The following MMP16 variants were observed in gnomAD, a reference collection of about 807,000 sequenced individuals.
MMP16 encodes matrix metalloproteinase-16.
Under a neutral mutation model 67.8 loss-of-function variants are expected in MMP16, and 12 were observed. That is an observed-to-expected ratio of 0.18 (90% CI 0.11 to 0.29). MMP16 has a LOEUF of 0.29. Among genes scored for constraint, MMP16 ranks in the 10% least tolerant of loss-of-function variants. The pLI is 1.00. For missense variants in MMP16, 475 were observed against 765.7 expected (o/e 0.62, Z 4.48); for synonymous variants, 249 against 255.9 (o/e 0.97, Z 0.26).
Position 88,036,872 on chromosome 8 carries a change from A to T in MMP16, c.*4589T>A, listed in dbSNP as rs1461661349. 6.6e-6 allele frequency: 1 copy of T among 151,754 alleles called. No homozygotes were observed. The highest frequency in any genetic ancestry group is 2.4e-5 in the African/African-American group (1 of 41,402). The allele number at this position is 151,754 out of a possible 1,614,324, so 9.4% of individuals were successfully genotyped here. A position where few individuals can be genotyped will look rare whatever the true frequency, so the allele number is the denominator to read the frequency against. Reference sequence around the variant, plus strand: ...AAAAAAGACCTTACCACCATCCAGAAGATTGTTTCAGTATATACTACAATC... The same window carrying T: ...AAAAAAGACCTTACCACCATCCAGATGATTGTTTCAGTATATACTACAATC... On this transcript the variant is annotated 3_prime_UTR_variant, in exon 10 of 10. Coordinates refer to ENST00000286614, the MANE Select transcript of MMP16 (RefSeq NM_005941.5).
At chr8:88,159,731 T>C (rs201289919) in intron 4 of MMP16, among the ~76,000 whole-genome samples, 2 of 152,182 alleles carry the variant, frequency 1.3e-5, no homozygotes, top group South Asian at 2.1e-4. Context: ...GGAATTCTTC[T>C]AGTTTTTGCC....
Position 88,197,289 on chromosome 8 carries a change from G to A in MMP16, c.150C>T (p.Tyr50=), listed in dbSNP as rs755904551. Residue 50 remains tyrosine (Y), a synonymous_variant, in exon 2 of 10, where the codon TAC becomes TAT. Transcript: ENST00000286614. ...YFNVEVWLQK[Y]GYLPPTDPRM... is the part of the protein sequence containing the mutation. ...TGGGGTCAGTCGGTGGAAGGTAGCC[G>A]TACTTTTGTAACCAAACCTGCAATA... 1.9e-5 allele frequency: 29 copies of A among 1,564,408 alleles called. No individual in the cohort carries two copies. Among genetic ancestry groups the A allele is most frequent in the African/African-American group, 5.5e-5 (4 of 72,550 alleles).
chr8:88,167,879 A>C lies in MMP16; in HGVS notation c.499T>G (p.Phe167Val). Reference sequence around the variant, plus strand: ...AATTCACTGTAGGGAACTTCTTCAAATGTCAGAGGAGTTACATTCTGCCAC... The same window carrying C: ...AATTCACTGTAGGGAACTTCTTCAACTGTCAGAGGAGTTACATTCTGCCAC... ...DVWQNVTPLT[F>V]EEVPYSELEN... The change falls in exon 4 of 10, where the codon TTT becomes GTT. Residue 167 changes from phenylalanine to valine, a missense_variant. Physicochemically the swap from Phe to Val is conservative, Grantham distance 50 (BLOSUM62 -1). Around this residue, in one of 5 missense-constraint regions of MMP16, gnomAD observed 170 missense variants for 239.6 expected, o/e 0.71. Transcript: ENST00000286614. The C allele has an allele frequency of 6.2e-7, 1 of 1,614,018 alleles. No individual in the cohort carries two copies. Among genetic ancestry groups the C allele is most frequent in the Non-Finnish European group, 8.5e-7 (1 of 1,179,966 alleles).
At chr8:88,229,584 A>G (rs981065514) in intron 1 of MMP16, among the ~76,000 whole-genome samples, 2 of 152,090 alleles carry the variant, frequency 1.3e-5, no homozygotes, top group African/African-American at 4.8e-5. Context: ...AACAACAGGG[A>G]CAAAGCAATA....
chr8:88,123,311 A>T (rs1807871640), intron 4 of MMP16, among the ~76,000 whole-genome samples: 1 of 151,996 alleles, frequency 6.6e-6, no homozygotes, highest in African/African-American at 2.4e-5. Flanking sequence ...AACCCCCTCT[A>T]CAAAACCCAA....
At chr8:88,265,223 C>CTTTTTTTTCTTTTTTTTT (rs1810455856) in intron 1 of MMP16, among the ~76,000 whole-genome samples, 1 of 100,780 alleles carries the variant, frequency 9.9e-6, no homozygotes, top group African/African-American at 4.0e-5. Context: ...TGACCATTTC[C>CTTTTTTTTCTTTTTTTTT]TTTTTTTTTT....
Position 88,040,457 on chromosome 8 carries a change from C to T in MMP16, c.*1004G>A, listed in dbSNP as rs565132080. ...GTCTGATAGTTCTCAAAGGGTTACA[C>T]GGGTATGTTACTAGTGTCACAAATC... On this transcript the variant is annotated 3_prime_UTR_variant, in exon 10 of 10. Coordinates refer to ENST00000286614, the MANE Select transcript of MMP16 (RefSeq NM_005941.5). 4.6e-5 allele frequency: 7 copies of T among 152,380 alleles called. No homozygotes were observed. The highest frequency in any genetic ancestry group is 1.4e-4 in the African/African-American group (6 of 41,558). The allele number at this position is 152,380 out of a possible 1,614,324, so 9.4% of individuals were successfully genotyped here.
intron 6 of MMP16, among the ~76,000 whole-genome samples, chr8:88,085,264 G>A (rs1460571620): frequency 6.6e-6 from 1 of 151,996 alleles, no homozygotes. Flanking sequence ...TATTAAGGGA[G>A]GCTTAATAGA....
chr8:88,140,900 C>A (rs1431676294), intron 4 of MMP16, among the ~76,000 whole-genome samples: 1 of 151,844 alleles, frequency 6.6e-6, no homozygotes, highest in Non-Finnish European at 1.5e-5. Context: ...ATTTAAAACT[C>A]CAAAAACAAA....
chr8:88,122,977 T>C (rs1382230224), intron 4 of MMP16, among the ~76,000 whole-genome samples: 1 of 151,034 alleles, frequency 6.6e-6, no homozygotes, highest in African/African-American at 2.4e-5. Flanking sequence ...CCCCTTCATA[T>C]GAGTGCAGCC....
intron 1 of MMP16, among the ~76,000 whole-genome samples, chr8:88,304,461 T>C (rs1811182154): frequency 6.6e-6 from 1 of 151,936 alleles, no homozygotes; most frequent in African/African-American, 2.4e-5. Flanking sequence ...AGTAAGATAC[T>C]CTAAAACAAG....
chr8:88,294,478 GTA>G (rs1810979649), intron 1 of MMP16, among the ~76,000 whole-genome samples: 1 of 148,376 alleles, frequency 6.7e-6, no homozygotes, highest in African/African-American at 2.5e-5. Context: ...ACACACATAT[GTA>G]TGTCTCTATA....
At chr8:88,307,112 T>G (rs1403696677) in intron 1 of MMP16, among the ~76,000 whole-genome samples, 1 of 152,140 alleles carries the variant, frequency 6.6e-6, no homozygotes, top group Non-Finnish European at 1.5e-5. Context: ...CAAAAATTGC[T>G]AGCATTCCCA....
chr8:88,166,402 T>C (rs1808710760), intron 4 of MMP16, among the ~76,000 whole-genome samples: 1 of 151,854 alleles, frequency 6.6e-6, no homozygotes, highest in African/African-American at 2.4e-5. Flanking sequence ...AAACACAGAA[T>C]TGAATTATGC....
chr8:88,303,085 C>A (rs925486446), intron 1 of MMP16, among the ~76,000 whole-genome samples: 1 of 152,204 alleles, frequency 6.6e-6, no homozygotes, highest in Non-Finnish European at 1.5e-5. Flanking sequence ...AGAGTCACAG[C>A]AGAGCAGCTG....
At chr8:88,048,226 G>T (rs1157921325) in intron 8 of MMP16, among the ~76,000 whole-genome samples, 1 of 152,078 alleles carries the variant, frequency 6.6e-6, no homozygotes. Flanking sequence ...GTCTTGATTG[G>T]AGTACTCAGT....
chr8:88,312,935 T>C (rs761310480), intron 1 of MMP16, among the ~76,000 whole-genome samples: 3 of 152,032 alleles, frequency 2.0e-5, no homozygotes, highest in Admixed American at 6.6e-5. Flanking sequence ...GATTGAGCCA[T>C]TGCACTCCAG....
chr8:88,099,840 T>G (rs745570992), intron 6 of MMP16, among the ~76,000 whole-genome samples: 23 of 151,988 alleles, frequency 1.5e-4, no homozygotes, highest in Non-Finnish European at 2.9e-4. Context: ...CTGCCTTCTT[T>G]ACTTTGCATT....
At chr8:88,099,437 A>C (rs1345076746) in intron 6 of MMP16, among the ~76,000 whole-genome samples, 1 of 151,880 alleles carries the variant, frequency 6.6e-6, no homozygotes, top group Admixed American at 6.6e-5. Context: ...ATACATTTCA[A>C]AAAATTCGTC....
Sources: gnomAD v4.1 joint callset for allele counts (sites outside exome capture counted in the v4.1 genomes callset) on GRCh38, gnomAD v4.1.1 for gene constraint, gnomAD v4.1.1 regional missense constraint, MANE v1.5 for transcripts, NCBI Gene and HGNC (gene_info 2026-07-23, HGNC 2026-07-21) for gene names.